CSMD3: variants seen among roughly 807,000 people sequenced by gnomAD.
CSMD3 encodes the protein CUB and Sushi multiple domains 3, also known as CUB and sushi domain-containing protein 3.
A neutral mutation model predicts 435.2 loss-of-function variants in CSMD3; 177 were observed. That is an observed-to-expected ratio of 0.41 (90% CI 0.36 to 0.46). The LOEUF is 0.46. CSMD3 is among the 20% of genes least tolerant of loss of function. The probability of loss-of-function intolerance (pLI) is 0.34; values close to 1 mark genes in which losing one functional copy is unlikely to be tolerated. For missense variants in CSMD3, 4,265 were observed against 4,504.6 expected, an observed-to-expected ratio of 0.95 and a Z score of 1.52; for synonymous variants, 1,656 against 1,520.5, an observed-to-expected ratio of 1.09 and a Z score of -2.07.
intron 7 of CSMD3, among the ~76,000 whole-genome samples, chr8:112,962,766 AC>A (rs2084278163): frequency 6.6e-6 from 1 of 151,770 alleles, no homozygotes; most frequent in Non-Finnish European, 1.5e-5. Flanking sequence ...CACTCATCAT[AC>A]CCATCTATGT....
At position 113,031,605 on chromosome 8, in the gene CSMD3, GAT is replaced by G. The variant is rs2087112933; in HGVS notation, c.918-12428_918-12427del. ...CCCTGTATCTTGACTATAGCATTGT[GAT>G]AAAGTGCACAGAATAAAATACACTT... On this transcript the variant is annotated intron_variant, in intron 5 of 70. Coordinates refer to ENST00000297405, the MANE Select transcript of CSMD3 (RefSeq NM_198123.2). Among the ~76,000 whole-genome samples the G allele has an allele frequency of 7.9e-5, 12 of 151,736 alleles. 1 individual carries two copies. In the South Asian group the frequency reaches 2.5e-3, roughly 32 times the overall value.
At chr8:112,262,895 C>T (rs1341371290) in intron 61 of CSMD3, among the ~76,000 whole-genome samples, 1 of 152,074 alleles carries the variant, frequency 6.6e-6, no homozygotes, top group Non-Finnish European at 1.5e-5. Flanking sequence ...GCAACTGAGA[C>T]AGTTAGCTCT....
At chr8:112,413,969 C>G (rs1319636121) in intron 32 of CSMD3, among the ~76,000 whole-genome samples, 2 of 152,156 alleles carry the variant, frequency 1.3e-5, no homozygotes, top group African/African-American at 4.8e-5. Flanking sequence ...CAGGTGATAT[C>G]TGTTCACCCT....
intron 23 of CSMD3, among the ~76,000 whole-genome samples, chr8:112,585,769 T>A (rs1830676521): frequency 6.6e-6 from 1 of 151,638 alleles, no homozygotes; most frequent in Non-Finnish European, 1.5e-5. Flanking sequence ...GAGTAGTAGC[T>A]AGATTAGCTT....
intron 32 of CSMD3, among the ~76,000 whole-genome samples, chr8:112,468,237 T>G (rs1223446334): frequency 2.9e-4 from 24 of 81,916 alleles, no homozygotes; most frequent in African/African-American, 1.1e-3. Context: ...CTAAAGTATT[T>G]TTTTTTTTTT....
Position 112,928,885 on chromosome 8 carries a change from C to G in CSMD3, c.1509-7134G>C, listed in dbSNP as rs545430505. Among the ~76,000 whole-genome samples, 165 of 141,120 alleles carry G rather than the reference C, an allele frequency of 1.2e-3. 5 individuals carry two copies. The highest frequency in any genetic ancestry group is 1.6e-4 in the Non-Finnish European group (10 of 63,950). The allele number at this position is 141,120 out of a possible 152,430, so 92.6% of individuals were successfully genotyped here. ...CACACTGACTTCCACAATGGTTGAA[C>G]TAGTTTACAGTCCCACCAACAGTGT... On this transcript the variant is annotated intron_variant, in intron 9 of 70. Transcript: ENST00000297405.
At chr8:112,266,267 T>G (rs770420845) in intron 59 of CSMD3, among the ~76,000 whole-genome samples, 12 of 152,178 alleles carry the variant, frequency 7.9e-5, no homozygotes, top group Non-Finnish European at 1.3e-4. Flanking sequence ...TAGTGCAATG[T>G]GAACCTCTCT....
chr8:112,633,791 C>T (rs1309046786), intron 22 of CSMD3, among the ~76,000 whole-genome samples: 1 of 152,010 alleles, frequency 6.6e-6, no homozygotes, highest in Non-Finnish European at 1.5e-5. Context: ...AGTTCCCTTA[C>T]TATCCAGAAT....
chr8:113,058,314 A>T (rs927666928), intron 5 of CSMD3, among the ~76,000 whole-genome samples: 2 of 152,026 alleles, frequency 1.3e-5, no homozygotes, highest in Non-Finnish European at 2.9e-5. Flanking sequence ...GTAGAACATG[A>T]CCTGATTTTA....
intron 32 of CSMD3, among the ~76,000 whole-genome samples, chr8:112,441,488 C>CT (rs1815011866): frequency 6.6e-6 from 1 of 152,160 alleles, no homozygotes; most frequent in Non-Finnish European, 1.5e-5. Context: ...GTTCCAAAGT[C>CT]ACTTCCACAT....
chr8:112,501,919 G>A (rs1411669254), intron 30 of CSMD3, among the ~76,000 whole-genome samples: 1 of 151,644 alleles, frequency 6.6e-6, no homozygotes, highest in Admixed American at 6.6e-5. Context: ...CAATTTAAGG[G>A]GCCAAATCAA....
At chr8:112,959,691 C>A (rs930706727) in intron 7 of CSMD3, among the ~76,000 whole-genome samples, 6 of 151,636 alleles carry the variant, frequency 4.0e-5, no homozygotes, top group Non-Finnish European at 7.4e-5. Flanking sequence ...AACTAATAAA[C>A]TATACTACTA....
rs987398271 is a variant in CSMD3, at chr8:112,757,188, G to A, written c.1972+42974C>T. 2.2e-4 allele frequency among the ~76,000 whole-genome samples: 34 copies of A among 151,850 alleles called. 1 individual carries two copies. Among genetic ancestry groups the A allele is most frequent in the African/African-American group, 7.3e-4 (30 of 41,314 alleles). On this transcript the variant is annotated intron_variant, in intron 13 of 70. Transcript: ENST00000297405. Reference sequence around the variant, plus strand: ...TGGCAACATTTTAGTATATTAACACGGTGGATAATAATGCAACACATTGAT... The same window carrying A: ...TGGCAACATTTTAGTATATTAACACAGTGGATAATAATGCAACACATTGAT...
At chr8:112,367,886 G>T (rs4876468) in intron 38 of CSMD3, among the ~76,000 whole-genome samples, 59,971 of 152,060 alleles carry the variant, frequency 0.39, 13,307 homozygotes, top group Middle Eastern at 0.54. Context: ...TATCTCATCA[G>T]CTATAAAGGG....
intron 3 of CSMD3, among the ~76,000 whole-genome samples, chr8:113,245,790 C>G (rs1428444726): frequency 6.6e-6 from 1 of 151,960 alleles, no homozygotes; most frequent in Non-Finnish European, 1.5e-5. Context: ...AAGGATTTTC[C>G]TAGATATTTC....
intron 4 of CSMD3, among the ~76,000 whole-genome samples, chr8:113,154,885 T>C (rs145690909): frequency 2.0e-5 from 3 of 152,152 alleles, no homozygotes; most frequent in African/African-American, 7.2e-5. Flanking sequence ...CCCGAACAAT[T>C]CACATGTGAA....
intron 1 of CSMD3, among the ~76,000 whole-genome samples, chr8:113,321,534 G>A (rs1289647127): frequency 6.6e-6 from 1 of 151,776 alleles, no homozygotes; most frequent in East Asian, 1.9e-4. Context: ...TGATACTTCT[G>A]TTTCTAATAT....
chr8:112,959,359 T>C (rs2130856176), intron 7 of CSMD3, among the ~76,000 whole-genome samples: 1 of 152,128 alleles, frequency 6.6e-6, no homozygotes, highest in Admixed American at 6.5e-5. Flanking sequence ...TACTCTAACT[T>C]TGTATTTATT....
intron 28 of CSMD3, among the ~76,000 whole-genome samples, chr8:112,513,399 A>G (rs1823331509): frequency 6.6e-6 from 1 of 152,196 alleles, no homozygotes; most frequent in South Asian, 2.1e-4. Context: ...GCCCAAGGAA[A>G]GAGAGAGACA....
Sources: gnomAD v4.1 joint callset for allele counts (sites outside exome capture counted in the v4.1 genomes callset) on GRCh38, gnomAD v4.1.1 for gene constraint, MANE v1.5 for transcripts, NCBI Gene and HGNC (gene_info 2026-07-23, HGNC 2026-07-21) for gene names.